The following CLNK variants were observed in gnomAD, a reference collection of about 807,000 sequenced individuals.
CLNK encodes cytokine-dependent hematopoietic cell linker.
A neutral mutation model predicts 68.6 loss-of-function variants in CLNK; 74 were observed. The ratio of observed to expected loss-of-function variants is 1.08; its 90% CI spans 0.89 to 1.31. The LOEUF (loss-of-function observed/expected upper bound fraction) is 1.31. CLNK is among the 50% of genes most tolerant of loss of function. The probability of loss-of-function intolerance (pLI) is 0.00; values close to 1 mark genes in which losing one functional copy is unlikely to be tolerated. For missense variants in CLNK, 553 were observed against 515.3 expected (o/e 1.07, Z -0.71); for synonymous variants, 198 against 172.2 (o/e 1.15, Z -1.17).
In CLNK at chr4:10,571,852, GT is replaced by G. The variant is rs376127860; in HGVS notation, c.113-75del. 60 of 1,141,298 alleles carry G rather than the reference GT, an allele frequency of 5.3e-5. No homozygotes were observed. In the African/African-American group the frequency reaches 7.8e-4, roughly 15 times the overall value. 70.7% of individuals were successfully genotyped at this position (1,141,298 alleles called of 1,614,324 possible). On this transcript the variant is annotated intron_variant, in intron 4 of 18. Coordinates refer to ENST00000226951, the MANE Select transcript of CLNK (RefSeq NM_052964.4). ...CAAACATCAAAAAGACTGGGCCCTT[GT>G]TTTTCTCCAGAAATCTTTTGTCAGT...
the CLNK span, among the ~76,000 whole-genome samples, chr4:10,699,512 A>ATATT: frequency 2.2e-3 from 71 of 32,702 alleles, no homozygotes; most frequent in South Asian, 3.8e-3. Flanking sequence ...ATATATATAT[A>ATATT]TTTTTTTTTT....
intron 8 of CLNK, among the ~76,000 whole-genome samples, chr4:10,548,132 A>G (rs1719308206): frequency 6.6e-6 from 1 of 152,124 alleles, no homozygotes; most frequent in South Asian, 2.1e-4. Flanking sequence ...GCTTTTCTCC[A>G]TATTCTTGCC....
chr4:10,578,608 AT>A lies in CLNK; in HGVS notation c.112+6318del, dbSNP rs575616598. ...TTTTTTTTTTTTTTTTTTTTTTGAGATGGAGTTTTGCTCTGTCACCCAGGCT... is the reference window on the plus strand; with the variant it reads ...TTTTTTTTTTTTTTTTTTTTTTGAGAGGAGTTTTGCTCTGTCACCCAGGCT... On this transcript the variant is annotated intron_variant, in intron 4 of 18. Transcript: ENST00000226951. Among the ~76,000 whole-genome samples, 472 of 55,886 alleles carry A rather than the reference AT, an allele frequency of 8.4e-3. 2 individuals are homozygous for A. Among genetic ancestry groups the A allele is most frequent in the African/African-American group, 0.033 (455 of 13,748 alleles). The allele number at this position is 55,886 out of a possible 152,430, so 36.7% of individuals were successfully genotyped here.
At chr4:10,501,114 T>G in intron 18 of CLNK, 142 bp downstream of exon 18, 1 of 786,572 alleles carries the variant, frequency 1.3e-6, no homozygotes, top group Non-Finnish European at 1.9e-6. Context: ...GATGTGCAGA[T>G]ATTTGTGGAA....
At chr4:10,659,596 T>A (rs1291220610) in intron 2 of CLNK, among the ~76,000 whole-genome samples, 1 of 152,180 alleles carries the variant, frequency 6.6e-6, no homozygotes, top group Admixed American at 6.5e-5. Context: ...GAATCCTTTC[T>A]AACCTCTCTC....
At chr4:10,524,433 T>C (rs1718218383) in intron 14 of CLNK, among the ~76,000 whole-genome samples, 1 of 152,192 alleles carries the variant, frequency 6.6e-6, no homozygotes, top group South Asian at 2.1e-4. Context: ...AGTCACATGG[T>C]TCACTGCTGA....
chr4:10,692,699 T>C, the CLNK span, among the ~76,000 whole-genome samples: 2 of 152,210 alleles, frequency 1.3e-5, no homozygotes, highest in Non-Finnish European at 2.9e-5. Flanking sequence ...ATCTAACATG[T>C]AGAATATTCT....
At chr4:10,536,954 G>A (rs1718783496) in intron 11 of CLNK, among the ~76,000 whole-genome samples, 1 of 152,074 alleles carries the variant, frequency 6.6e-6, no homozygotes, top group Non-Finnish European at 1.5e-5. Flanking sequence ...CTCAGGCATA[G>A]ATAAGGCTTA....
At chr4:10,668,974 GA>G (rs1244415207) in intron 1 of CLNK, among the ~76,000 whole-genome samples, 3 of 152,130 alleles carry the variant, frequency 2.0e-5, no homozygotes, top group Non-Finnish European at 2.9e-5. Flanking sequence ...TTTACAGTTA[GA>G]CAATGATACC....
At chr4:10,715,316 T>C in the CLNK span, among the ~76,000 whole-genome samples, 2 of 152,180 alleles carry the variant, frequency 1.3e-5, no homozygotes, top group South Asian at 2.1e-4. Flanking sequence ...TTATTGTCCG[T>C]GTGTTTAATT....
At chr4:10,653,937 A>C (rs1723854711) in intron 2 of CLNK, among the ~76,000 whole-genome samples, 1 of 152,206 alleles carries the variant, frequency 6.6e-6, no homozygotes, top group Non-Finnish European at 1.5e-5. Flanking sequence ...AAAACTGACT[A>C]TCTTTCTATA....
At chr4:10,666,619 C>T (rs1309425568) in intron 2 of CLNK, among the ~76,000 whole-genome samples, 2 of 152,188 alleles carry the variant, frequency 1.3e-5, no homozygotes, top group Admixed American at 6.5e-5. Context: ...GCTAATTTTC[C>T]AAGAAGAGCT....
In CLNK at chr4:10,540,438, C is replaced by T. The variant is rs537374051; in HGVS notation, c.602+56G>A. ...ACTTTGTTTGGTTTCCCTTGTCCCC[C>T]TCCCCCACACCCACACTCTTGCTGG... On this transcript the variant is annotated intron_variant, in intron 11 of 18. Coordinates refer to ENST00000226951, the MANE Select transcript of CLNK (RefSeq NM_052964.4). 1.2e-5 allele frequency: 17 copies of T among 1,371,924 alleles called. No homozygotes were observed. In the East Asian group the frequency reaches 3.7e-4, roughly 30 times the overall value. The allele number at this position is 1,371,924 out of a possible 1,614,324, so 85.0% of individuals were successfully genotyped here.
intron 2 of CLNK, among the ~76,000 whole-genome samples, chr4:10,650,670 C>CT (rs1168275859): frequency 1.3e-5 from 2 of 151,926 alleles, no homozygotes; most frequent in Admixed American, 6.6e-5. Context: ...AAAATAAAGG[C>CT]TTTTTTAGCA....
chr4:10,530,273 A>T (rs1718483175), intron 12 of CLNK, among the ~76,000 whole-genome samples: 1 of 152,182 alleles, frequency 6.6e-6, no homozygotes, highest in African/African-American at 2.4e-5. Flanking sequence ...TGAGTACAAA[A>T]TGAGACAATG....
intron 8 of CLNK, among the ~76,000 whole-genome samples, chr4:10,553,404 G>A (rs1246457677): frequency 6.6e-6 from 1 of 151,870 alleles, no homozygotes. Context: ...TTAACTCAGT[G>A]TTTCTCAAGG....
intron 3 of CLNK, among the ~76,000 whole-genome samples, chr4:10,587,914 C>T (rs944425132): frequency 6.6e-6 from 1 of 152,172 alleles, no homozygotes; most frequent in African/African-American, 2.4e-5. Flanking sequence ...ACAGTTGGCG[C>T]CCTTTCAAGC....
the CLNK span, among the ~76,000 whole-genome samples, chr4:10,706,152 A>G: frequency 6.6e-6 from 1 of 152,180 alleles, no homozygotes; most frequent in Non-Finnish European, 1.5e-5. Context: ...CTGACAGGGA[A>G]TGTGGGAATA....
chr4:10,713,082 C>T, the CLNK span, among the ~76,000 whole-genome samples: 1 of 152,178 alleles, frequency 6.6e-6, no homozygotes, highest in Non-Finnish European at 1.5e-5. Flanking sequence ...CTTGTCTTCG[C>T]TGTGATTATT....
Sources: gnomAD v4.1 joint callset for allele counts (sites outside exome capture counted in the v4.1 genomes callset) on GRCh38, gnomAD v4.1.1 for gene constraint, MANE v1.5 for transcripts, NCBI Gene and HGNC (gene_info 2026-07-23, HGNC 2026-07-21) for gene names.